The following SPATA9 variants were observed in gnomAD, a reference collection of about 807,000 sequenced individuals.
The protein encoded by SPATA9 is spermatogenesis associated 9.
A neutral mutation model predicts 25.5 loss-of-function variants in SPATA9; 27 were observed. That is an observed-to-expected ratio of 1.06 (90% CI 0.78 to 1.46). The LOEUF (loss-of-function observed/expected upper bound fraction) is 1.46, where lower values mean the gene tolerates loss of function less well. Ranked by LOEUF, SPATA9 falls within the 40% of genes most tolerant of loss-of-function variation. The pLI, the probability that SPATA9 is intolerant of heterozygous loss-of-function variation, is 0.00. For missense variants in SPATA9, 282 were observed against 297.5 expected (o/e 0.95, Z 0.38); for synonymous variants, 102 against 105.7 (o/e 0.97, Z 0.21).
chr5:95,667,288 A>C (rs1751903422), intron 3 of SPATA9, among the ~76,000 whole-genome samples: 1 of 144,498 alleles, frequency 6.9e-6, no homozygotes, highest in Non-Finnish European at 1.5e-5. Flanking sequence ...GGAAACCAAG[A>C]ATAGGATCTA....
intron 2 of SPATA9, among the ~76,000 whole-genome samples, chr5:95,678,686 C>T (rs1486340632): frequency 6.6e-6 from 1 of 152,086 alleles, no homozygotes; most frequent in Non-Finnish European, 1.5e-5. Flanking sequence ...ATTTTTAAGA[C>T]CATTCCTTTC....
the SPATA9 span, among the ~76,000 whole-genome samples, chr5:95,709,707 G>A: frequency 6.6e-6 from 1 of 152,214 alleles, no homozygotes; most frequent in Non-Finnish European, 1.5e-5. Context: ...TCCATCCAGA[G>A]AAGGTGTCTA....
At chr5:95,688,866 T>C (rs1753813772) in intron 1 of SPATA9, among the ~76,000 whole-genome samples, 1 of 152,090 alleles carries the variant, frequency 6.6e-6, no homozygotes. Context: ...CCTAAATATA[T>C]AAAAATAATA....
chr5:95,702,346 A>G (rs769480903), upstream of SPATA9, among the ~76,000 whole-genome samples: 1 of 152,226 alleles, frequency 6.6e-6, no homozygotes, highest in African/African-American at 2.4e-5. Flanking sequence ...GGAAATATCC[A>G]TCAAGGGATA....
At chr5:95,728,983 C>T in the SPATA9 span, among the ~76,000 whole-genome samples, 1 of 152,186 alleles carries the variant, frequency 6.6e-6, no homozygotes, top group Non-Finnish European at 1.5e-5. Context: ...ACGGCAATGT[C>T]AGGAAGTTAC....
chr5:95,704,051 G>A, the SPATA9 span, among the ~76,000 whole-genome samples: 1 of 150,982 alleles, frequency 6.6e-6, no homozygotes, highest in African/African-American at 2.5e-5. Context: ...CCCTCACAGT[G>A]CATATACACA....
At chr5:95,679,453 C>T (rs1374556558) in intron 2 of SPATA9, among the ~76,000 whole-genome samples, 6 of 152,180 alleles carry the variant, frequency 3.9e-5, no homozygotes, top group African/African-American at 1.4e-4. Flanking sequence ...TAAGATACAG[C>T]ATTAGAAAAC....
rs1265126760 is a variant in SPATA9, at chr5:95,673,730, TTTTTTTTCTTTTTC to T, written c.378+1668_378+1681del. ...GTTTCTTTTTTGCTTTTTATTTTCC[TTTTTTTTCTTTTTC>T]TTTTTTTCTTTTTTTTTTTAGACAG... On this transcript the variant is annotated intron_variant, in intron 3 of 4. Transcript: ENST00000274432. Among the ~76,000 whole-genome samples the T allele has an allele frequency of 9.2e-5, 14 of 151,482 alleles. No individual in the cohort carries two copies. In the East Asian group the frequency reaches 2.5e-3, roughly 27 times the overall value.
chr5:95,669,462 GA>G (rs1233802595), intron 3 of SPATA9, among the ~76,000 whole-genome samples: 1 of 152,156 alleles, frequency 6.6e-6, no homozygotes, highest in African/African-American at 2.4e-5. Context: ...TCCTTATCCT[GA>G]AAAAAGAACA....
At chr5:95,708,619 A>G in the SPATA9 span, 3 of 696,400 alleles carry the variant, frequency 4.3e-6, no homozygotes, top group Non-Finnish European at 5.2e-6. Flanking sequence ...AACATTTTGG[A>G]GTTCTTTTTC....
At chr5:95,730,982 C>A in the SPATA9 span, 3 of 568,884 alleles carry the variant, frequency 5.3e-6, no homozygotes, top group South Asian at 4.5e-5. Context: ...CTTCCCTAAC[C>A]TCCTTTTTCC....
the SPATA9 span, among the ~76,000 whole-genome samples, chr5:95,728,096 C>G: frequency 7.2e-5 from 11 of 152,186 alleles, no homozygotes; most frequent in Non-Finnish European, 1.6e-4. Context: ...TCATGTGGCC[C>G]TACCTATATG....
chr5:95,712,026 A>G, the SPATA9 span, among the ~76,000 whole-genome samples: 4 of 152,142 alleles, frequency 2.6e-5, no homozygotes, highest in Non-Finnish European at 5.9e-5. Flanking sequence ...ACCAAGAGAA[A>G]AATTTTTCAG....
chr5:95,675,463 A>T lies in SPATA9; in HGVS notation c.327T>A (p.Gly109=). ...CRLLELRDIS[G]RLLREVNAPR... ...GCGCATTAACTTCCCTCAGCAGACG[A>T]CCAGATATGTCCCTTAGCTCTAAAA... Residue 109 remains glycine (G), a synonymous_variant, in exon 3 of 5, where the codon GGT becomes GGA. Transcript: ENST00000274432. 6.2e-7 allele frequency: 1 copy of T among 1,614,192 alleles called. No homozygotes were observed. The highest frequency in any genetic ancestry group is 8.5e-7 in the Non-Finnish European group (1 of 1,180,032).
At chr5:95,665,234 G>A (rs1215486894) in intron 3 of SPATA9, among the ~76,000 whole-genome samples, 3 of 152,124 alleles carry the variant, frequency 2.0e-5, no homozygotes, top group Admixed American at 2.0e-4. Context: ...CTCTCTTCTA[G>A]CTATTTTGTA....
At chr5:95,727,494 C>T in the SPATA9 span, among the ~76,000 whole-genome samples, 5 of 152,114 alleles carry the variant, frequency 3.3e-5, no homozygotes, top group Non-Finnish European at 7.4e-5. Flanking sequence ...GGGATAAAAA[C>T]ATCTAATAGA....
At chr5:95,710,791 A>G in the SPATA9 span, among the ~76,000 whole-genome samples, 1 of 152,176 alleles carries the variant, frequency 6.6e-6, no homozygotes, top group Non-Finnish European at 1.5e-5. Context: ...TGTCCTTTGA[A>G]TGCTTTATCA....
chr5:95,703,147 C>G (rs1754216941), upstream of SPATA9, among the ~76,000 whole-genome samples: 1 of 152,162 alleles, frequency 6.6e-6, no homozygotes, highest in Admixed American at 6.5e-5. Flanking sequence ...AAAATCCTCA[C>G]TTCATATGGA....
upstream of SPATA9, among the ~76,000 whole-genome samples, chr5:95,683,181 TA>T (rs1753601476): frequency 6.6e-6 from 1 of 152,172 alleles, no homozygotes; most frequent in Non-Finnish European, 1.5e-5. Flanking sequence ...TCTGCAGTGA[TA>T]CCACAAATAA....
Sources: gnomAD v4.1 joint callset for allele counts (sites outside exome capture counted in the v4.1 genomes callset) on GRCh38, gnomAD v4.1.1 for gene constraint, MANE v1.5 for transcripts, NCBI Gene and HGNC (gene_info 2026-07-23, HGNC 2026-07-21) for gene names.